AUH: variants seen among roughly 807,000 people sequenced by gnomAD.
AUH encodes the protein AU RNA binding methylglutaconyl-CoA hydratase, also known as methylglutaconyl-CoA hydratase, mitochondrial.
Under a neutral mutation model 42.3 loss-of-function variants are expected in AUH, and 29 were observed. The observed-to-expected ratio is 0.69, with a 90% CI of 0.51 to 0.93. The LOEUF is 0.93. AUH is among the 40% of genes least tolerant of loss of function. AUH has a pLI of 0.00. For synonymous variants in AUH, 174 were observed against 166.4 expected, an observed-to-expected ratio of 1.05 and a Z score of -0.35; for missense variants, 452 against 438.1, an observed-to-expected ratio of 1.03 and a Z score of -0.28.
chr9:91,249,707 A>G (rs998316278), intron 6 of AUH, among the ~76,000 whole-genome samples: 1 of 152,184 alleles, frequency 6.6e-6, no homozygotes, highest in South Asian at 2.1e-4. Flanking sequence ...AGGCTTTGCA[A>G]TTGTTTTTAA....
chr9:91,286,481 T>C (rs186941037), intron 6 of AUH, among the ~76,000 whole-genome samples: 1 of 152,206 alleles, frequency 6.6e-6, no homozygotes, highest in East Asian at 1.9e-4. Flanking sequence ...TCCTGAAAAG[T>C]TTCTAAGATA....
chr9:91,283,359 T>C (rs886431566), intron 6 of AUH, among the ~76,000 whole-genome samples: 3 of 152,198 alleles, frequency 2.0e-5, no homozygotes, highest in African/African-American at 7.2e-5. Context: ...AATATCATAC[T>C]GAATAGGCAA....
chr9:91,220,115 A>C (rs1363803245), intron 7 of AUH, among the ~76,000 whole-genome samples: 2 of 152,246 alleles, frequency 1.3e-5, no homozygotes, highest in Non-Finnish European at 2.9e-5. Flanking sequence ...CCAAAGGCAT[A>C]TTTGAAAAAT....
Position 91,302,635 on chromosome 9 carries a change from T to C in AUH, c.506-4559A>G, listed in dbSNP as rs201512173. ...AAACAAAAAAATTAGCCAGACATGGTGGTGCGTGCCTGTAATCCCAGCTAC... is the reference window on the plus strand; with the variant it reads ...AAACAAAAAAATTAGCCAGACATGGCGGTGCGTGCCTGTAATCCCAGCTAC... On this transcript the variant is annotated intron_variant, in intron 4 of 9. Transcript: ENST00000375731. Among the ~76,000 whole-genome samples the C allele has an allele frequency of 2.7e-5, 4 of 147,518 alleles. No homozygotes were observed. The East Asian group carries it at 7.9e-4, about 29-fold the overall frequency.
chr9:91,338,144 C>T (rs1789611185), intron 3 of AUH, among the ~76,000 whole-genome samples: 2 of 152,214 alleles, frequency 1.3e-5, no homozygotes, highest in South Asian at 4.1e-4. Context: ...GAATTCAAGG[C>T]TCTAATAAAT....
At chr9:91,266,756 T>G (rs1829998704) in intron 6 of AUH, among the ~76,000 whole-genome samples, 1 of 151,894 alleles carries the variant, frequency 6.6e-6, no homozygotes, top group Non-Finnish European at 1.5e-5. Flanking sequence ...AATTCAAGAG[T>G]TGGGTGTGTA....
chr9:91,311,233 C>T (rs555247754), intron 4 of AUH, among the ~76,000 whole-genome samples: 2 of 152,070 alleles, frequency 1.3e-5, no homozygotes, highest in Non-Finnish European at 2.9e-5. Context: ...TAAATTATTT[C>T]TTTCTATAAA....
chr9:91,266,507 G>A (rs1345381828), intron 6 of AUH, among the ~76,000 whole-genome samples: 1 of 152,174 alleles, frequency 6.6e-6, no homozygotes, highest in Non-Finnish European at 1.5e-5. Context: ...AATAACATTG[G>A]TTAATTTGTG....
chr9:91,281,618 GC>G (rs942566955), intron 6 of AUH, among the ~76,000 whole-genome samples: 2 of 152,136 alleles, frequency 1.3e-5, no homozygotes, highest in Non-Finnish European at 2.9e-5. Context: ...TTCCCAACTT[GC>G]TTTTTGAATA....
chr9:91,324,802 A>G (rs1829855331), intron 4 of AUH, among the ~76,000 whole-genome samples: 1 of 151,960 alleles, frequency 6.6e-6, no homozygotes, highest in Non-Finnish European at 1.5e-5. Context: ...TTCCCTGTTT[A>G]AGAATCTATG....
rs79577891 is a variant in AUH at position 91,245,161 on chromosome 9, C to A, written c.656-24169G>T. Among the ~76,000 whole-genome samples, 157 of 152,202 alleles carry A rather than the reference C, an allele frequency of 1.0e-3. 1 individual carries two copies. In the East Asian group the frequency reaches 0.029, roughly 28 times the overall value. On this transcript the variant is annotated intron_variant, in intron 6 of 9. Transcript: ENST00000375731. ...CATGGCACAAGCATGAAGAGCAGGG[C>A]TGGGAGCACACACAAGAGATTTCAA...
intron 3 of AUH, among the ~76,000 whole-genome samples, chr9:91,334,231 T>C (rs1395551982): frequency 2.6e-5 from 4 of 152,208 alleles, no homozygotes; most frequent in Non-Finnish European, 5.9e-5. Flanking sequence ...TCACTTTATG[T>C]GTCTACTTGT....
At chr9:91,217,601 G>T (rs1826897975) in intron 7 of AUH, among the ~76,000 whole-genome samples, 1 of 152,206 alleles carries the variant, frequency 6.6e-6, no homozygotes. Flanking sequence ...CCAGCTGTGA[G>T]CTTGCTGTTC....
intron 6 of AUH, among the ~76,000 whole-genome samples, chr9:91,292,273 C>CTTTTT (rs1017680283): frequency 1.5e-5 from 2 of 130,990 alleles, no homozygotes; most frequent in Non-Finnish European, 1.6e-5. Flanking sequence ...TGGGAACCCT[C>CTTTTT]TTTTTTTTTT....
At chr9:91,331,853 T>C (rs544930635) in intron 3 of AUH, among the ~76,000 whole-genome samples, 1 of 152,226 alleles carries the variant, frequency 6.6e-6, no homozygotes, top group African/African-American at 2.4e-5. Context: ...CTAGCTTCCT[T>C]GGCCCCCACT....
chr9:91,268,933 A>G (rs771596675), intron 6 of AUH, among the ~76,000 whole-genome samples: 1 of 152,116 alleles, frequency 6.6e-6, no homozygotes, highest in East Asian at 1.9e-4. Flanking sequence ...CATGACTACT[A>G]TTATATCAAG....
chr9:91,346,242 T>C (rs1338562305), intron 3 of AUH, among the ~76,000 whole-genome samples: 1 of 152,116 alleles, frequency 6.6e-6, no homozygotes, highest in Non-Finnish European at 1.5e-5. Context: ...TTCAGTGCCC[T>C]ACCCACACCT....
chr9:91,352,764 G>GA (rs1438139923), intron 3 of AUH, among the ~76,000 whole-genome samples: 3 of 152,200 alleles, frequency 2.0e-5, no homozygotes, highest in Admixed American at 6.5e-5. Flanking sequence ...AACCATTCCT[G>GA]AAAAAAATCA....
chr9:91,348,652 A>G (rs1440317402), intron 3 of AUH, among the ~76,000 whole-genome samples: 2 of 152,250 alleles, frequency 1.3e-5, no homozygotes, highest in Admixed American at 6.5e-5. Flanking sequence ...GTCAGACACA[A>G]AAGACTACCC....
Sources: gnomAD v4.1 joint callset for allele counts (sites outside exome capture counted in the v4.1 genomes callset) on GRCh38, gnomAD v4.1.1 for gene constraint, MANE v1.5 for transcripts, NCBI Gene and HGNC (gene_info 2026-07-23, HGNC 2026-07-21) for gene names.